The following FBXL2 variants were observed in gnomAD, a reference collection of about 807,000 sequenced individuals.
FBXL2 encodes the protein F-box and leucine rich repeat protein 2, also known as F-box/LRR-repeat protein 2.
In FBXL2, 38 loss-of-function variants were observed where a neutral mutation model predicts 69.2. The ratio of observed to expected loss-of-function variants is 0.55; its 90% CI spans 0.42 to 0.72. The LOEUF (loss-of-function observed/expected upper bound fraction) is 0.72, where lower values mean the gene tolerates loss of function less well. Among genes scored for constraint, FBXL2 ranks in the 30% least tolerant of loss-of-function variants. The pLI, the probability that FBXL2 is intolerant of heterozygous loss-of-function variation, is 0.00. For missense variants in FBXL2, 354 were observed against 520.3 expected, an observed-to-expected ratio of 0.68 and a Z score of 3.11; for synonymous variants, 192 against 201.3, an observed-to-expected ratio of 0.95 and a Z score of 0.39.
intron 14 of FBXL2, 110 bp downstream of exon 14, chr3:33,384,311 A>G (rs2043265779): frequency 9.3e-7 from 1 of 1,077,256 alleles, no homozygotes; most frequent in Admixed American, 2.2e-5. Context: ...CTGTAATCCC[A>G]ACACTTTCAG....
At chr3:33,411,795 CTG>C in the FBXL2 span, 1 of 868,480 alleles carries the variant, frequency 1.2e-6, no homozygotes. Flanking sequence ...GCTTTGAACT[CTG>C]TCTTTCAATG....
chr3:33,383,689 C>A, intron 13 of FBXL2: 1 of 345,712 alleles, frequency 2.9e-6, no homozygotes, highest in Non-Finnish European at 5.5e-6. Context: ...AGAGAGAAGC[C>A]ACTCCCAGTG....
At chr3:33,302,041 G>A (rs560038416) in intron 2 of FBXL2, among the ~76,000 whole-genome samples, 7 of 151,966 alleles carry the variant, frequency 4.6e-5, no homozygotes, top group Admixed American at 2.0e-4. Context: ...ATAAATGTTC[G>A]CTCTTATTGT....
At chr3:33,283,912 TA>T (rs2034317808) in intron 1 of FBXL2, among the ~76,000 whole-genome samples, 2 of 152,248 alleles carry the variant, frequency 1.3e-5, no homozygotes, top group African/African-American at 4.8e-5. Context: ...TATGATCTTT[TA>T]TTGCGTCTAT....
At chr3:33,359,833 A>G (rs2041486954) in intron 4 of FBXL2, among the ~76,000 whole-genome samples, 1 of 152,200 alleles carries the variant, frequency 6.6e-6, no homozygotes, top group Non-Finnish European at 1.5e-5. Flanking sequence ...TCTATAAAAT[A>G]AAGTAATAAT....
intron 2 of FBXL2, among the ~76,000 whole-genome samples, chr3:33,342,711 CTTTTTTTTTTTTTTTT>C (rs71070130): frequency 5.3e-4 from 20 of 37,924 alleles, no homozygotes; most frequent in African/African-American, 1.7e-3. Context: ...AATATAACTT[CTTTTTTTTTTTTTTTT>C]TTTTTTTTTT....
chr3:33,408,922 A>G, the FBXL2 span: 2 of 999,210 alleles, frequency 2.0e-6, no homozygotes, highest in Non-Finnish European at 3.0e-6. Flanking sequence ...AAAGTTAAAA[A>G]AAATGCAAAA....
chr3:33,410,084 T>C, the FBXL2 span, among the ~76,000 whole-genome samples: 1 of 152,232 alleles, frequency 6.6e-6, no homozygotes, highest in Non-Finnish European at 1.5e-5. Context: ...TGTGATACTT[T>C]GCCTGGGGAA....
chr3:33,331,407 T>G (rs1050699756), intron 2 of FBXL2, among the ~76,000 whole-genome samples: 2 of 152,060 alleles, frequency 1.3e-5, no homozygotes, highest in Non-Finnish European at 1.5e-5. Context: ...GATGAGGTCT[T>G]TGAGCCTGAG....
chr3:33,412,837 A>C, the FBXL2 span: 2 of 1,593,726 alleles, frequency 1.3e-6, no homozygotes, highest in Non-Finnish European at 1.7e-6. Context: ...TCTGTGGAAT[A>C]AGTGCGGAAA....
At chr3:33,374,488 G>C (rs1018535034) in intron 9 of FBXL2, among the ~76,000 whole-genome samples, 6 of 152,158 alleles carry the variant, frequency 3.9e-5, no homozygotes, top group Admixed American at 3.9e-4. Flanking sequence ...GGGGAACATA[G>C]ATTTTGAGAA....
chr3:33,373,425 G>T (rs1341851955), intron 7 of FBXL2, 70 bp downstream of exon 7: 2 of 1,516,186 alleles, frequency 1.3e-6, no homozygotes, highest in Non-Finnish European at 1.8e-6. Flanking sequence ...CCTTCTTAAT[G>T]GTCACGTTGG....
intron 12 of FBXL2, chr3:33,396,904 C>A: frequency 1.3e-6 from 1 of 792,836 alleles, no homozygotes. Context: ...AAACAGTCTT[C>A]TTGTGAGCAC....
intron 2 of FBXL2, among the ~76,000 whole-genome samples, chr3:33,347,806 ATTTGTGTCTTCT>A (rs1210331437): frequency 6.6e-6 from 1 of 151,906 alleles, no homozygotes; most frequent in Non-Finnish European, 1.5e-5. Context: ...CCTGTTTGCC[ATTTGTGTCTTCT>A]TTTGAGAAAT....
intron 2 of FBXL2, among the ~76,000 whole-genome samples, chr3:33,312,204 G>A (rs534713136): frequency 2.1e-3 from 321 of 151,948 alleles, no homozygotes; most frequent in African/African-American, 7.4e-3. Context: ...CCACAGGAGC[G>A]TGCCACCACA....
intron 1 of FBXL2, 72 bp from the exon 2 acceptor site, chr3:33,297,592 A>G (rs2035858121): frequency 1.0e-6 from 1 of 954,078 alleles, no homozygotes; most frequent in Non-Finnish European, 1.6e-6. Flanking sequence ...ATCTAGTAGT[A>G]TAAAAACAAT....
chr3:33,303,780 A>G (rs939853917), intron 2 of FBXL2, among the ~76,000 whole-genome samples: 1 of 152,096 alleles, frequency 6.6e-6, no homozygotes, highest in Non-Finnish European at 1.5e-5. Flanking sequence ...AATCAAAATT[A>G]TTAAGATAAA....
chr3:33,405,540 T>C (rs1417591702), downstream of FBXL2, among the ~76,000 whole-genome samples: 7 of 152,206 alleles, frequency 4.6e-5, no homozygotes, highest in Admixed American at 4.6e-4. Context: ...CAAAATTCTT[T>C]TGAGGCCAGG....
chr3:33,420,147 TTATTTC>T, the FBXL2 span, among the ~76,000 whole-genome samples: 2 of 152,192 alleles, frequency 1.3e-5, no homozygotes, highest in Non-Finnish European at 2.9e-5. Flanking sequence ...TTTAGAAACC[TTATTTC>T]TAAAGTCCTA....
Sources: allele counts gnomAD v4.1 joint callset (sites outside exome capture counted in the v4.1 genomes callset), GRCh38; gene constraint gnomAD v4.1.1; transcripts MANE v1.5; gene names NCBI Gene and HGNC (gene_info 2026-07-23, HGNC 2026-07-21).